Variants in TMEM91 observed in about 807,000 individuals in gnomAD.
TMEM91 encodes the protein transmembrane protein 91.
Under a neutral mutation model 13.3 loss-of-function variants are expected in TMEM91, and 6 were observed. The observed-to-expected ratio is 0.45, with a 90% CI of 0.25 to 0.89. The LOEUF is 0.89. Ranked by LOEUF, TMEM91 falls within the 40% of genes least tolerant of loss-of-function variation. TMEM91 has a pLI of 0.19. For synonymous variants in TMEM91, 87 were observed against 101.7 expected (o/e 0.86, Z 0.87); for missense variants, 193 against 228.7 (o/e 0.84, Z 1.01).
chr19:41,382,159 G>A (rs1352973960), intron 2 of TMEM91, among the ~76,000 whole-genome samples: 1 of 152,046 alleles, frequency 6.6e-6, no homozygotes, highest in Non-Finnish European at 1.5e-5. Flanking sequence ...AAGCTACCAC[G>A]CCCGGCCATG....
At chr19:41,368,939 A>T (rs1197671592) in intron 1 of TMEM91, among the ~76,000 whole-genome samples, 1 of 150,970 alleles carries the variant, frequency 6.6e-6, no homozygotes, top group Non-Finnish European at 1.5e-5. Flanking sequence ...ACATGATGAA[A>T]CCCCATCACT....
intron 2 of TMEM91, 40 bp downstream of exon 2, chr19:41,378,559 G>C (rs760688651): frequency 2.2e-5 from 36 of 1,605,902 alleles, no homozygotes; most frequent in Admixed American, 6.8e-5. Flanking sequence ...ACGGGAGGGG[G>C]CTGGGGTGAG....
intron 1 of TMEM91, among the ~76,000 whole-genome samples, chr19:41,368,752 C>G (rs1171070501): frequency 6.6e-6 from 1 of 151,780 alleles, no homozygotes; most frequent in Non-Finnish European, 1.5e-5. Flanking sequence ...TGGGCAGCCC[C>G]CTTTCAGTAA....
intron 1 of TMEM91, among the ~76,000 whole-genome samples, chr19:41,378,053 A>G (rs946630936): frequency 2.4e-5 from 3 of 122,896 alleles, no homozygotes; most frequent in Non-Finnish European, 5.3e-5. Flanking sequence ...AAAAAAAAAA[A>G]GAGAGAGAGA....
chr19:41,378,811 T>C (rs1458494372), intron 2 of TMEM91, among the ~76,000 whole-genome samples: 1 of 142,280 alleles, frequency 7.0e-6, no homozygotes, highest in Non-Finnish European at 1.5e-5. Flanking sequence ...TCTCCCTCTT[T>C]GTGTGTGTGT....
chr19:41,382,583 CA>C (rs1490829477), intron 2 of TMEM91, among the ~76,000 whole-genome samples, 188 bp from the exon 3 acceptor site: 1 of 152,200 alleles, frequency 6.6e-6, no homozygotes, highest in African/African-American at 2.4e-5. Flanking sequence ...CATTGTACCC[CA>C]GCCTGGGTGA....
intron 2 of TMEM91, among the ~76,000 whole-genome samples, chr19:41,381,635 C>T (rs1410922000): frequency 6.6e-6 from 1 of 151,754 alleles, no homozygotes; most frequent in African/African-American, 2.4e-5. Flanking sequence ...AAGTGCTGGG[C>T]TTACAGGCGT....
chr19:41,366,015 C>T (rs915977404), intron 1 of TMEM91, among the ~76,000 whole-genome samples: 11 of 147,272 alleles, frequency 7.5e-5, no homozygotes, highest in African/African-American at 2.8e-4. Context: ...CTGGGCCCAG[C>T]TACTTTTTGT....
chr19:41,369,162 C>T lies in TMEM91; in HGVS notation c.-30+5067C>T, dbSNP rs146776905. Among the ~76,000 whole-genome samples, 288 of 152,012 alleles carry T rather than the reference C, an allele frequency of 1.9e-3. 3 individuals carry two copies. The highest frequency in any genetic ancestry group is 6.5e-3 in the African/African-American group (271 of 41,502). ...AAGTATGGCACACAGCCGGCGGTCC[C>T]GGCTACTTCATTTTTGTTGTTGTTG... On this transcript the variant is annotated intron_variant, in intron 1 of 3. Coordinates refer to the TMEM91 transcript ENST00000413014.
chr19:41,380,095 A>G (rs1003412450), intron 2 of TMEM91, among the ~76,000 whole-genome samples: 11 of 151,568 alleles, frequency 7.3e-5, no homozygotes, highest in African/African-American at 2.7e-4. Flanking sequence ...GGGTTTCACT[A>G]TGTTGGTCAG....
At chr19:41,366,295 T>C (rs2038526966) in intron 1 of TMEM91, among the ~76,000 whole-genome samples, 1 of 152,102 alleles carries the variant, frequency 6.6e-6, no homozygotes. Context: ...CATTCTCTTT[T>C]CTCAAGCCCC....
At chr19:41,365,379 T>C (rs1183827681) in intron 1 of TMEM91, among the ~76,000 whole-genome samples, 1 of 152,126 alleles carries the variant, frequency 6.6e-6, no homozygotes, top group Non-Finnish European at 1.5e-5. Flanking sequence ...TGTTATCCTA[T>C]TGAAATGTTG....
intron 1 of TMEM91, among the ~76,000 whole-genome samples, chr19:41,364,959 C>CT (rs777295087): frequency 2.6e-5 from 4 of 151,880 alleles, no homozygotes; most frequent in Non-Finnish European, 2.9e-5. Context: ...ATTGCAGCCT[C>CT]TTAACTCCTG....
upstream of TMEM91, among the ~76,000 whole-genome samples, chr19:41,371,845 G>A (rs1414885577): frequency 6.6e-6 from 1 of 152,032 alleles, no homozygotes; most frequent in Non-Finnish European, 1.5e-5. Flanking sequence ...GGTCATCCAG[G>A]TCATAGCATG....
chr19:41,377,115 C>A, intron 1 of TMEM91: 1 of 154,286 alleles, frequency 6.5e-6, no homozygotes, highest in African/African-American at 2.4e-5. Context: ...TTCTGGAGAG[C>A]TGGTGCATGT....
At chr19:41,366,510 G>A (rs758827858) in intron 1 of TMEM91, among the ~76,000 whole-genome samples, 60 of 152,190 alleles carry the variant, frequency 3.9e-4, no homozygotes, top group Non-Finnish European at 7.9e-4. Flanking sequence ...GAACACCTAA[G>A]TCAGGTCCCA....
At chr19:41,379,591 A>G (rs2038823499) in intron 2 of TMEM91, among the ~76,000 whole-genome samples, 2 of 148,668 alleles carry the variant, frequency 1.3e-5, no homozygotes, top group Admixed American at 6.8e-5. Flanking sequence ...GGGAGGGAGG[A>G]AGGAAAGAAA....
At chr19:41,382,082 T>A (rs920634021) in intron 2 of TMEM91, among the ~76,000 whole-genome samples, 1 of 151,648 alleles carries the variant, frequency 6.6e-6, no homozygotes, top group Non-Finnish European at 1.5e-5. Flanking sequence ...GCCAGGCTGG[T>A]CTCCCAACTC....
chr19:41,378,050 AAAAG>A (rs2038767814), intron 1 of TMEM91, among the ~76,000 whole-genome samples: 1 of 151,016 alleles, frequency 6.6e-6, no homozygotes, highest in Non-Finnish European at 1.5e-5. Context: ...AAAAAAAAAA[AAAAG>A]AGAGAGAGAG....
Sources: gnomAD v4.1 joint callset for allele counts (sites outside exome capture counted in the v4.1 genomes callset) on GRCh38, gnomAD v4.1.1 for gene constraint, MANE v1.5 for transcripts, NCBI Gene and HGNC (gene_info 2026-07-23, HGNC 2026-07-21) for gene names.